Variants in CNPY2 observed in about 807,000 individuals in gnomAD.
CNPY2 encodes protein canopy homolog 2.
A neutral mutation model predicts 25.5 loss-of-function variants in CNPY2; 19 were observed. The observed-to-expected ratio is 0.74, with a 90% CI of 0.52 to 1.09. The LOEUF (loss-of-function observed/expected upper bound fraction) is 1.09. Ranked by LOEUF, CNPY2 falls within the 50% of genes least tolerant of loss-of-function variation. The probability of loss-of-function intolerance (pLI) is 0.00; values close to 1 mark genes in which losing one functional copy is unlikely to be tolerated. For missense variants in CNPY2, 214 were observed against 233.6 expected (o/e 0.92, Z 0.55); for synonymous variants, 82 against 85.0 (o/e 0.96, Z 0.19).
chr12:56,315,301 C>T, intron 1 of CNPY2, 59 bp from the exon 2 acceptor site: 1 of 983,650 alleles, frequency 1.0e-6, no homozygotes. Context: ...TTTCCCTGAC[C>T]CCCCCAATCC....
At chr12:56,312,076 C>T in intron 3 of CNPY2, 1 of 152,902 alleles carries the variant, frequency 6.5e-6, no homozygotes, top group Non-Finnish European at 1.5e-5. Flanking sequence ...AGACGGGTTT[C>T]ACCGTGCTAG....
intron 1 of CNPY2, 132 bp from the exon 2 acceptor site, chr12:56,315,374 G>T: frequency 1.6e-6 from 1 of 619,874 alleles, no homozygotes; most frequent in Non-Finnish European, 2.8e-6. Flanking sequence ...AAATGGCCGG[G>T]ACACAAAGGG....
In CNPY2 at chr12:56,314,700, A is replaced by G. The variant is rs927917782; in HGVS notation, c.204+151T>C. ...GCCAGGAAGCAAGTGCATGGGGAAT[A>G]AGCCTGCAGCTTCTTCCAAATGAGA... On this transcript the variant is annotated intron_variant, in intron 3 of 5. Transcript: ENST00000273308. 7.5e-5 allele frequency: 112 copies of G among 1,499,000 alleles called. 1 individual carries two copies. Among genetic ancestry groups the G allele is most frequent in the Non-Finnish European group, 9.9e-5 (111 of 1,125,318 alleles). The allele number at this position is 1,499,000 out of a possible 1,614,324, so 92.9% of individuals were successfully genotyped here. A position where few individuals can be genotyped will look rare whatever the true frequency, so the allele number is the denominator to read the frequency against.
chr12:56,315,062 C>G, intron 2 of CNPY2, 68 bp downstream of exon 2: 1 of 1,598,202 alleles, frequency 6.3e-7, no homozygotes, highest in East Asian at 2.2e-5. Context: ...ATCCTTCTCC[C>G]AGGCCTTGGA....
At chr12:56,316,005 C>T (rs1009017556), upstream of CNPY2, 2 of 152,610 alleles carry the variant, frequency 1.3e-5, no homozygotes, top group East Asian at 3.9e-4. Context: ...GCTCCCCTGA[C>T]GCTAACTGGT....
At chr12:56,313,419 G>A (rs1385304950) in intron 3 of CNPY2, among the ~76,000 whole-genome samples, 1 of 151,918 alleles carries the variant, frequency 6.6e-6, no homozygotes, top group Non-Finnish European at 1.5e-5. Flanking sequence ...GAACCCGGGA[G>A]GCAGAGGTTG....
intron 3 of CNPY2, chr12:56,314,564 T>TA (rs1261725246): frequency 7.8e-7 from 1 of 1,280,816 alleles, no homozygotes; most frequent in African/African-American, 1.5e-5. Flanking sequence ...TTTGCATGTA[T>TA]ACCACAGTGC....
Position 56,311,370 on chromosome 12 carries a change from C to T in CNPY2, c.249G>A (p.Glu83=). ...RSEAHLTELL[E]EICDRMKEYG... ...ACTCCTTCATCCGGTCACATATCTC[C>T]TCCAGCAGCTCTGTGAGGTGGGCCT... Residue 83 remains glutamate (E), a synonymous_variant, in exon 4 of 6, where the codon GAG becomes GAA. Coordinates refer to ENST00000273308, the MANE Select transcript of CNPY2 (RefSeq NM_014255.7). The T allele has an allele frequency of 1.2e-6, 2 of 1,614,176 alleles. No homozygotes were observed. The highest frequency in any genetic ancestry group is 1.7e-6 in the Non-Finnish European group (2 of 1,180,034).
chr12:56,314,820 C>T (rs1037530434), intron 3 of CNPY2, 31 bp downstream of exon 3: 9 of 1,614,202 alleles, frequency 5.6e-6, no homozygotes, highest in Middle Eastern at 1.6e-4. Context: ...CCAGAGTGAG[C>T]TACTTTGTTT....
chr12:56,315,624 C>A, intron 1 of CNPY2, 197 bp downstream of exon 1: 1 of 209,348 alleles, frequency 4.8e-6, no homozygotes. Flanking sequence ...CTCAGTCAGG[C>A]CAGGAGGCCA....
Position 56,310,915 on chromosome 12 carries a change from C to T in CNPY2, c.505+43G>A, listed in dbSNP as rs905089118. 3.2e-6 allele frequency: 5 copies of T among 1,560,376 alleles called. No individual in the cohort carries two copies. The African/African-American group carries it at 6.8e-5, about 21-fold the overall frequency. Reference sequence around the variant, plus strand: ...TGGGTGAGTTAGGGAATGTCAGGTTCCACAGAGCTACTAGAACAGGAGATA... The same window carrying T: ...TGGGTGAGTTAGGGAATGTCAGGTTTCACAGAGCTACTAGAACAGGAGATA... On this transcript the variant is annotated intron_variant, in intron 5 of 5. Transcript: ENST00000273308.
chr12:56,310,537 G>C lies in CNPY2; in HGVS notation c.*15C>G, dbSNP rs1873685654. The C allele has an allele frequency of 6.2e-7, 1 of 1,613,928 alleles. No homozygotes were observed. The highest frequency in any genetic ancestry group is 1.7e-5 in the Admixed American group (1 of 60,020). On this transcript the variant is annotated 3_prime_UTR_variant, in exon 6 of 6. Transcript: ENST00000273308. ...GGGGGTGATCCATCAAGCCAGTGTGGGCTGCTCCAGTGGTTCATAGCTCAT... is the reference window on the plus strand; with the variant it reads ...GGGGGTGATCCATCAAGCCAGTGTGCGCTGCTCCAGTGGTTCATAGCTCAT...
intron 3 of CNPY2, chr12:56,314,413 A>G (rs1873817118): frequency 2.9e-6 from 3 of 1,048,688 alleles, no homozygotes; most frequent in South Asian, 3.1e-5. Flanking sequence ...ACTGCCTTAT[A>G]TATTGCTTAT....
In CNPY2 at chr12:56,313,905, CT is replaced by C. The variant is rs35063385; in HGVS notation, c.204+945del. Among the ~76,000 whole-genome samples the C allele has an allele frequency of 1.9e-3, 275 of 141,356 alleles. 3 individuals are homozygous for C. Among genetic ancestry groups the C allele is most frequent in the Admixed American group, 9.8e-3 (138 of 14,116 alleles). The allele number at this position is 141,356 out of a possible 152,430, so 92.7% of individuals were successfully genotyped here. ...ACGGGCGTGAGCCACCGCGCCCGGC[CT>C]TTTTTTTTTTTCAAGACAGAGTTTT... On this transcript the variant is annotated intron_variant, in intron 3 of 5. Coordinates refer to ENST00000273308, the MANE Select transcript of CNPY2 (RefSeq NM_014255.7).
intron 3 of CNPY2, chr12:56,311,869 A>C (rs1767353303): frequency 6.2e-6 from 1 of 160,120 alleles, no homozygotes; most frequent in Admixed American, 6.3e-5. Flanking sequence ...GTTTTCATTT[A>C]TTTTATTTTA....
rs567326995 is a variant in CNPY2, at chr12:56,310,572, T to C, written c.529A>G (p.Ile177Val). 15 of 1,614,128 alleles carry C rather than the reference T, an allele frequency of 9.3e-6. No individual in the cohort carries two copies. The highest frequency in any genetic ancestry group is 6.8e-6 in the Non-Finnish European group (8 of 1,180,054). The change falls in exon 6 of 6, where the codon ATA (isoleucine) becomes GTA (valine). Residue 177 changes from isoleucine to valine, a missense_variant. Transcript: ENST00000273308. ...GTGGTTCATAGCTCATCATGCGATA[T>C]GTGCAGGGCATGGTCACAAAGATCT... The part of the protein sequence containing the change: ...RTDLCDHALH[I>V]SHDEL
chr12:56,314,933 T>A lies in CNPY2; in HGVS notation c.122A>T (p.Glu41Val). 6.2e-7 allele frequency: 1 copy of A among 1,614,120 alleles called. No homozygotes were observed. Among genetic ancestry groups the A allele is most frequent in the Non-Finnish European group, 8.5e-7 (1 of 1,180,018 alleles). ...CTTCTTGGGGTCCACCTGGGCAATTTCCCATTCTAGTTCATCCACCAGAGC... is the reference window on the plus strand; with the variant it reads ...CTTCTTGGGGTCCACCTGGGCAATTACCCATTCTAGTTCATCCACCAGAGC... ...CRALVDELEW[E>V]IAQVDPKKTI... Residue 41 changes from glutamate to valine, a missense_variant, in exon 3 of 6, where the codon GAA becomes GTA. Transcript: ENST00000273308.
At chr12:56,311,567 T>C in intron 3 of CNPY2, 153 bp from the exon 4 acceptor site, 1 of 850,536 alleles carries the variant, frequency 1.2e-6, no homozygotes, top group Non-Finnish European at 1.9e-6. Flanking sequence ...TGTTTGTTTT[T>C]TGAGATGGGG....
intron 3 of CNPY2, 132 bp from the exon 4 acceptor site, chr12:56,311,546 TTTTGTTTG>T: frequency 1.1e-6 from 1 of 952,264 alleles, no homozygotes; most frequent in Non-Finnish European, 1.6e-6. Flanking sequence ...TTTTAATTAG[TTTTGTTTG>T]TTTGTTTGTT....
Sources: gnomAD v4.1 joint callset for allele counts (sites outside exome capture counted in the v4.1 genomes callset) on GRCh38, gnomAD v4.1.1 for gene constraint, MANE v1.5 for transcripts, NCBI Gene and HGNC (gene_info 2026-07-23, HGNC 2026-07-21) for gene names.